The following NFYC variants were observed in gnomAD, a reference collection of about 807,000 sequenced individuals.
NFYC encodes nuclear transcription factor Y subunit gamma.
Under a neutral mutation model 53.1 loss-of-function variants are expected in NFYC, and 25 were observed. The ratio of observed to expected loss-of-function variants is 0.47; its 90% CI spans 0.34 to 0.66. The LOEUF is 0.66. Ranked by LOEUF, NFYC falls within the 30% of genes least tolerant of loss-of-function variation. NFYC has a pLI of 0.01. For missense variants in NFYC, 260 were observed against 422.7 expected, an observed-to-expected ratio of 0.62 and a Z score of 3.38; for synonymous variants, 145 against 152.6, an observed-to-expected ratio of 0.95 and a Z score of 0.37.
At chr1:40,765,758 A>G (rs1646781217) in intron 7 of NFYC, among the ~76,000 whole-genome samples, 3 of 152,206 alleles carry the variant, frequency 2.0e-5, no homozygotes, top group Admixed American at 2.0e-4. Flanking sequence ...CTGATGTGGT[A>G]ACCGCCTTGG....
chr1:40,755,921 C>T (rs1425649480), intron 5 of NFYC, among the ~76,000 whole-genome samples: 1 of 152,052 alleles, frequency 6.6e-6, no homozygotes, highest in African/African-American at 2.4e-5. Flanking sequence ...AGATCATATT[C>T]AATACTAGAT....
At chr1:40,744,117 G>A (rs1430933043) in intron 2 of NFYC, among the ~76,000 whole-genome samples, 1 of 152,160 alleles carries the variant, frequency 6.6e-6, no homozygotes. Flanking sequence ...AAGCATTACT[G>A]CCTGAGCTCC....
intron 1 of NFYC, chr1:40,721,757 C>G (rs150097827): frequency 2.6e-5 from 4 of 152,374 alleles, no homozygotes; most frequent in African/African-American, 9.6e-5. Flanking sequence ...GAGACGAGGT[C>G]TTTCTATGTT....
intron 3 of NFYC, among the ~76,000 whole-genome samples, chr1:40,749,269 G>T (rs986015304): frequency 3.3e-5 from 5 of 152,028 alleles, no homozygotes; most frequent in Non-Finnish European, 7.4e-5. Flanking sequence ...CCACTTACTG[G>T]CTCTATGGCT....
intron 5 of NFYC, among the ~76,000 whole-genome samples, chr1:40,755,618 C>T (rs1646168768): frequency 6.6e-6 from 1 of 152,140 alleles, no homozygotes. Flanking sequence ...TAATCATTTC[C>T]TTGCTGGCTT....
intron 1 of NFYC, among the ~76,000 whole-genome samples, chr1:40,721,141 A>G (rs911806846): frequency 6.6e-6 from 1 of 152,220 alleles, no homozygotes; most frequent in Non-Finnish European, 1.5e-5. Context: ...GTGTGCCAGG[A>G]ATGGTTTCTT....
chr1:40,694,636 T>A (rs1643023473), intron 1 of NFYC, among the ~76,000 whole-genome samples: 1 of 152,138 alleles, frequency 6.6e-6, no homozygotes, highest in Non-Finnish European at 1.5e-5. Flanking sequence ...TAAAAATGAG[T>A]GTATATGTAC....
intron 1 of NFYC, among the ~76,000 whole-genome samples, chr1:40,696,420 GGC>G (rs150797669): frequency 1.0e-3 from 154 of 152,276 alleles, no homozygotes; most frequent in African/African-American, 3.5e-3. Flanking sequence ...AAAAAGTCCT[GGC>G]TTCTTAGCTC....
In NFYC at chr1:40,753,132, C is replaced by T. The variant is rs757838084; in HGVS notation, c.292-19C>T. On this transcript the variant is annotated intron_variant, in intron 4 of 9. Coordinates refer to ENST00000447388, the MANE Select transcript of NFYC (RefSeq NM_014223.5). ...TTTCTCCCCAGGCTAATTTTTCACACCGCTCTTCTTTGTTACAGAGAAATG... is the reference window on the plus strand; with the variant it reads ...TTTCTCCCCAGGCTAATTTTTCACATCGCTCTTCTTTGTTACAGAGAAATG... 4 of 1,586,526 alleles carry T rather than the reference C, an allele frequency of 2.5e-6. No homozygotes were observed. Among genetic ancestry groups the T allele is most frequent in the Non-Finnish European group, 3.5e-6 (4 of 1,155,762 alleles).
intron 1 of NFYC, among the ~76,000 whole-genome samples, chr1:40,707,505 GAGAA>G (rs201749433): frequency 2.9e-5 from 4 of 138,860 alleles, no homozygotes; most frequent in African/African-American, 1.1e-4. Flanking sequence ...GAGAGAGAGA[GAGAA>G]AAATTTATCC....
At chr1:40,735,811 G>A in intron 1 of NFYC, 7 of 960,476 alleles carry the variant, frequency 7.3e-6, no homozygotes, top group Middle Eastern at 5.4e-4. Flanking sequence ...ATTTTTGTTT[G>A]CCCCATTTAA....
rs963690369 is a variant in NFYC at position 40,691,823 on chromosome 1, G to A, written c.-53G>A. ...GGCCTCTGCATTGCCCGACTCCGTA[G>A]GAGCGCGGGGGCGGCTCCTGCTCTT... is the stretch of plus-strand genomic sequence containing the variant. On this transcript the variant is annotated 5_prime_UTR_variant, in exon 1 of 10. Coordinates refer to ENST00000447388, the MANE Select transcript of NFYC (RefSeq NM_014223.5). 5 of 438,178 alleles carry A rather than the reference G, an allele frequency of 1.1e-5. No individual in the cohort carries two copies. Among genetic ancestry groups the A allele is most frequent in the Non-Finnish European group, 2.3e-5 (5 of 217,466 alleles). The allele number at this position is 438,178 out of a possible 1,614,324, so 27.1% of individuals were successfully genotyped here.
chr1:40,746,394 G>A (rs1349664524), intron 2 of NFYC, among the ~76,000 whole-genome samples: 2 of 152,118 alleles, frequency 1.3e-5, no homozygotes, highest in African/African-American at 2.4e-5. Context: ...GACTGTTGAT[G>A]TTTTTCCAAA....
intron 1 of NFYC, among the ~76,000 whole-genome samples, chr1:40,700,529 A>G (rs1241519608): frequency 1.3e-5 from 2 of 151,892 alleles, no homozygotes; most frequent in East Asian, 3.9e-4. Flanking sequence ...TATTGTTAGT[A>G]GTGAGGAGGT....
chr1:40,761,917 C>A (rs751469765), intron 6 of NFYC, among the ~76,000 whole-genome samples: 42 of 152,084 alleles, frequency 2.8e-4, no homozygotes, highest in Non-Finnish European at 4.6e-4. Context: ...CCACCCACGC[C>A]CACACCCCCG....
At chr1:40,766,823 C>T in intron 8 of NFYC, 120 bp downstream of exon 8, 1 of 1,480,300 alleles carries the variant, frequency 6.8e-7, no homozygotes, top group Non-Finnish European at 9.3e-7. Flanking sequence ...GAAGCACCAC[C>T]CCCACACCCT....
intron 2 of NFYC, among the ~76,000 whole-genome samples, chr1:40,745,331 G>A (rs1645555068): frequency 6.6e-6 from 1 of 152,128 alleles, no homozygotes. Flanking sequence ...ATCATCTTGT[G>A]CTGTATGTAT....
At chr1:40,694,006 T>C (rs1642987787) in intron 1 of NFYC, among the ~76,000 whole-genome samples, 1 of 151,780 alleles carries the variant, frequency 6.6e-6, no homozygotes, top group African/African-American at 2.4e-5. Context: ...CTGCATTTTT[T>C]CCTGAATCCA....
Position 40,770,632 on chromosome 1 carries a change from A to G in NFYC, c.889-77A>G, listed in dbSNP as rs768787763. On this transcript the variant is annotated intron_variant, in intron 9 of 9. Coordinates refer to ENST00000447388, the MANE Select transcript of NFYC (RefSeq NM_014223.5). This position sits in a 1 kb window ranked among gnomAD's most constrained non-coding sequence, Gnocchi z 5.3. Reference sequence around the variant, plus strand: ...GTGGTTGAGGTATCTGGGACCCCCAACCAGCTCGAGACCCATAGGGAGCTG... The same window carrying G: ...GTGGTTGAGGTATCTGGGACCCCCAGCCAGCTCGAGACCCATAGGGAGCTG... 38 of 1,613,840 alleles carry G rather than the reference A, an allele frequency of 2.4e-5. No individual in the cohort carries two copies. Among genetic ancestry groups the G allele is most frequent in the Middle Eastern group, 1.6e-4 (1 of 6,084 alleles).
Sources: allele counts gnomAD v4.1 joint callset (sites outside exome capture counted in the v4.1 genomes callset), GRCh38; gene constraint gnomAD v4.1.1; non-coding constraint Gnocchi (gnomAD v3.1); transcripts MANE v1.5; gene names NCBI Gene and HGNC (gene_info 2026-07-23, HGNC 2026-07-21).